Variants in NCS1 observed in about 807,000 individuals in gnomAD.
NCS1 encodes frequenin homolog.
Under a neutral mutation model 28.4 loss-of-function variants are expected in NCS1, and 6 were observed. The ratio of observed to expected loss-of-function variants is 0.21; its 90% CI spans 0.12 to 0.42. NCS1 has a LOEUF of 0.42. Ranked by LOEUF, NCS1 falls within the 10% of genes least tolerant of loss-of-function variation. NCS1 has a pLI of 1.00. For synonymous variants in NCS1, 86 were observed against 99.3 expected (o/e 0.87, Z 0.79); for missense variants, 131 against 241.4 (o/e 0.54, Z 3.03).
In NCS1 at chr9:130,173,356, C is replaced by T. The variant is rs782630582; in HGVS notation, c.64+629C>T. On this transcript the variant is annotated intron_variant, in intron 1 of 7. Coordinates refer to ENST00000372398, the MANE Select transcript of NCS1 (RefSeq NM_014286.4). ...GGAAGTGGGTTTCTACAGCCCGGGT[C>T]ATCTGGGCCGCGTGTGATCATTAGC... is the stretch of plus-strand genomic sequence containing the variant. 5.0e-4 allele frequency among the ~76,000 whole-genome samples: 76 copies of T among 152,182 alleles called. 1 individual carries two copies. Among genetic ancestry groups the T allele is most frequent in the Admixed American group, 7.2e-4 (11 of 15,282 alleles).
chr9:130,217,753 C>T (rs1207934378), intron 2 of NCS1, 79 bp from the exon 3 acceptor site: 3 of 1,603,026 alleles, frequency 1.9e-6, no homozygotes, highest in Non-Finnish European at 2.6e-6. Flanking sequence ...TTTCCTGGGC[C>T]CCGGGCAGGC....
rs1833558207 is a variant in NCS1, at chr9:130,234,904, A to G, written c.*1932A>G. ...TTCTTGCTGCTGCTTTGCAGAGTCA[A>G]CAGCCCATCAGCCCATGTTTTAGAG... is the stretch of plus-strand genomic sequence containing the variant. On this transcript the variant is annotated 3_prime_UTR_variant, in exon 8 of 8. Coordinates refer to ENST00000372398, the MANE Select transcript of NCS1 (RefSeq NM_014286.4). This position sits in a 1 kb window ranked among gnomAD's most constrained non-coding sequence, Gnocchi z 6.1. The G allele has an allele frequency of 6.6e-6, 1 of 152,180 alleles. No homozygotes were observed. Among genetic ancestry groups the G allele is most frequent in the Non-Finnish European group, 1.5e-5 (1 of 68,058 alleles). 9.4% of individuals were successfully genotyped at this position (152,180 alleles called of 1,614,324 possible). A position where few individuals can be genotyped will look rare whatever the true frequency, so the allele number is the denominator to read the frequency against.
chr9:130,183,641 C>CTCTT (rs562210262), intron 1 of NCS1, among the ~76,000 whole-genome samples: 33 of 150,524 alleles, frequency 2.2e-4, no homozygotes, highest in East Asian at 1.9e-4. Flanking sequence ...CTCTTTATCT[C>CTCTT]TCTTTCTTTC....
intron 1 of NCS1, among the ~76,000 whole-genome samples, 153 bp from the exon 2 acceptor site, chr9:130,200,805 A>C (rs1832934934): frequency 6.6e-6 from 1 of 152,178 alleles, no homozygotes. Context: ...ACTGCTCACC[A>C]AGGGAGCATT....
intron 1 of NCS1, among the ~76,000 whole-genome samples, chr9:130,183,307 G>T (rs533404918): frequency 2.4e-4 from 28 of 116,972 alleles, no homozygotes; most frequent in African/African-American, 3.4e-4. Flanking sequence ...CCATGCGGCT[G>T]GGGGGGGGAG....
At chr9:130,202,799 C>T (rs1030544507) in intron 2 of NCS1, among the ~76,000 whole-genome samples, 11 of 151,504 alleles carry the variant, frequency 7.3e-5, no homozygotes, top group South Asian at 2.1e-4. Context: ...AGGCTGGTCT[C>T]GAGCTCCTGA....
rs539606428 is a variant in NCS1 at position 130,180,937 on chromosome 9, G to T, written c.64+8210G>T. 1.8e-4 allele frequency among the ~76,000 whole-genome samples: 27 copies of T among 152,348 alleles called. No individual in the cohort carries two copies. Among genetic ancestry groups the T allele is most frequent in the Non-Finnish European group, 3.4e-4 (23 of 68,040 alleles). ...GGCTCCTGGCTTGGTGAGTTGGGGA[G>T]GGAGAAGGGTTGTGGCAGGCTGGCT... is the stretch of plus-strand genomic sequence containing the variant. On this transcript the variant is annotated intron_variant, in intron 1 of 7. Coordinates refer to ENST00000372398, the MANE Select transcript of NCS1 (RefSeq NM_014286.4). This position sits in a 1 kb window ranked among gnomAD's most constrained non-coding sequence, Gnocchi z 4.5.
At chr9:130,197,411 C>T (rs1350197559) in intron 1 of NCS1, among the ~76,000 whole-genome samples, 1 of 152,220 alleles carries the variant, frequency 6.6e-6, no homozygotes, top group Non-Finnish European at 1.5e-5. Context: ...AAGAGTTGAG[C>T]TTCTGGGAAC....
chr9:130,208,707 C>T (rs1302878983), intron 2 of NCS1, among the ~76,000 whole-genome samples: 2 of 152,228 alleles, frequency 1.3e-5, no homozygotes, highest in Non-Finnish European at 2.9e-5. Flanking sequence ...CCGCGCCATG[C>T]AGAGTGGGCG....
intron 2 of NCS1, 40 bp from the exon 3 acceptor site, chr9:130,217,792 C>T (rs782745449): frequency 2.2e-5 from 35 of 1,613,368 alleles, no homozygotes; most frequent in Non-Finnish European, 2.8e-5. Flanking sequence ...GTGATGTTGG[C>T]GTCTCCTTTA....
chr9:130,203,784 C>T (rs1832989131), intron 2 of NCS1, among the ~76,000 whole-genome samples: 1 of 152,148 alleles, frequency 6.6e-6, no homozygotes, highest in African/African-American at 2.4e-5. Context: ...TCGTTCATTT[C>T]ATTCTCACAA....
intron 1 of NCS1, among the ~76,000 whole-genome samples, chr9:130,190,303 G>A (rs1438117508): frequency 4.6e-5 from 7 of 152,048 alleles, no homozygotes; most frequent in Non-Finnish European, 8.8e-5. Flanking sequence ...GGTCCAAATC[G>A]GACAAAAGCA....
At position 130,235,702 on chromosome 9, in the gene NCS1, G is replaced by A. The variant is rs1833578561; in HGVS notation, c.*2730G>A. The A allele has an allele frequency of 6.6e-6, 1 of 152,574 alleles. No individual in the cohort carries two copies. Among genetic ancestry groups the A allele is most frequent in the Admixed American group, 6.5e-5 (1 of 15,290 alleles). 9.5% of individuals were successfully genotyped at this position (152,574 alleles called of 1,614,324 possible). On this transcript the variant is annotated 3_prime_UTR_variant, in exon 8 of 8. Coordinates refer to ENST00000372398, the MANE Select transcript of NCS1 (RefSeq NM_014286.4). ...TGGCCATTTTCACTAGAGTTTGCCT[G>A]GCAGGGACCGATCTCTGCCCCCTCC...
Position 130,181,293 on chromosome 9 carries a change from G to A in NCS1, c.64+8566G>A, listed in dbSNP as rs1832650349. On this transcript the variant is annotated intron_variant, in intron 1 of 7. Coordinates refer to ENST00000372398, the MANE Select transcript of NCS1 (RefSeq NM_014286.4). The surrounding 1 kb of genome is among the most constrained non-coding windows in gnomAD (Gnocchi z 5.0). ...TAAGGGACTTCTACTACACAGAGCCGTGTGCGGGGTTAGGAATAACAGACG... is the reference window on the plus strand; with the variant it reads ...TAAGGGACTTCTACTACACAGAGCCATGTGCGGGGTTAGGAATAACAGACG... Among the ~76,000 whole-genome samples the A allele has an allele frequency of 6.6e-6, 1 of 152,144 alleles. No individual in the cohort carries two copies. The highest frequency in any genetic ancestry group is 2.1e-4 in the South Asian group (1 of 4,820).
At position 130,201,032 on chromosome 9, in the gene NCS1, TTGTGGGC is replaced by T. The variant is rs781858632; in HGVS notation, c.89+60_89+66del. ...CGTAGAGGGGCTGCGGCTGTGGGCTTTGTGGGCTGTGGGCTGATGGGGACAGCAGTCC... is the reference window on the plus strand; with the variant it reads ...CGTAGAGGGGCTGCGGCTGTGGGCTTTGTGGGCTGATGGGGACAGCAGTCC... On this transcript the variant is annotated intron_variant, in intron 2 of 7. Coordinates refer to ENST00000372398, the MANE Select transcript of NCS1 (RefSeq NM_014286.4). 3 of 1,612,652 alleles carry T rather than the reference TTGTGGGC, an allele frequency of 1.9e-6. No individual in the cohort carries two copies. The Admixed American group carries it at 5.0e-5, about 27-fold the overall frequency.
At position 130,234,064 on chromosome 9, in the gene NCS1, A is replaced by G. The variant is rs1316508778; in HGVS notation, c.*1092A>G. ...GCGCCTAAGGCTGGGAGCTGGAAGAAGGGGCATTGGGTACCCAGGCAGAGT... is the reference window on the plus strand; with the variant it reads ...GCGCCTAAGGCTGGGAGCTGGAAGAGGGGGCATTGGGTACCCAGGCAGAGT... On this transcript the variant is annotated 3_prime_UTR_variant, in exon 8 of 8. Coordinates refer to ENST00000372398, the MANE Select transcript of NCS1 (RefSeq NM_014286.4). The surrounding 1 kb of genome is among the most constrained non-coding windows in gnomAD (Gnocchi z 6.1). 1 of 152,102 alleles carries G rather than the reference A, an allele frequency of 6.6e-6. No individual in the cohort carries two copies. The highest frequency in any genetic ancestry group is 6.6e-5 in the Admixed American group (1 of 15,266). The allele number at this position is 152,102 out of a possible 1,614,324, so 9.4% of individuals were successfully genotyped here. A position where few individuals can be genotyped will look rare whatever the true frequency, so the allele number is the denominator to read the frequency against.
chr9:130,227,076 G>T (rs1554911505), intron 7 of NCS1, among the ~76,000 whole-genome samples: 3 of 151,846 alleles, frequency 2.0e-5, no homozygotes, highest in South Asian at 4.2e-4. Flanking sequence ...ATTGTCCTGG[G>T]TGGAAGACAC....
chr9:130,200,177 C>T (rs1188046733), intron 1 of NCS1, among the ~76,000 whole-genome samples: 1 of 152,158 alleles, frequency 6.6e-6, no homozygotes, highest in Non-Finnish European at 1.5e-5. Context: ...AGCCGTCCCG[C>T]GCTCACACAG....
At chr9:130,182,735 A>T (rs186996648) in intron 1 of NCS1, among the ~76,000 whole-genome samples, 57 of 152,310 alleles carry the variant, frequency 3.7e-4, no homozygotes, top group African/African-American at 1.3e-3. Context: ...ACTTAGGAGC[A>T]ACGTACCGCC....
Sources: gnomAD v4.1 joint callset for allele counts (sites outside exome capture counted in the v4.1 genomes callset) on GRCh38, gnomAD v4.1.1 for gene constraint, Gnocchi (gnomAD v3.1) non-coding constraint, MANE v1.5 for transcripts, NCBI Gene and HGNC (gene_info 2026-07-23, HGNC 2026-07-21) for gene names.